Variants in COMMD10 observed in about 807,000 individuals in gnomAD.
COMMD10 encodes the protein COMM domain-containing protein 10.
A neutral mutation model predicts 28.9 loss-of-function variants in COMMD10; 33 were observed. The ratio of observed to expected loss-of-function variants is 1.14; its 90% CI spans 0.87 to 1.53. The LOEUF is 1.53. COMMD10 is among the 40% of genes most tolerant of loss of function. The probability of loss-of-function intolerance (pLI) is 0.00; values close to 1 mark genes in which losing one functional copy is unlikely to be tolerated. For missense variants in COMMD10, 310 were observed against 233.4 expected, an observed-to-expected ratio of 1.33 and a Z score of -2.14; for synonymous variants, 110 against 81.7, an observed-to-expected ratio of 1.35 and a Z score of -1.87.
At chr5:116,266,088 A>G (rs770037973) in intron 5 of COMMD10, among the ~76,000 whole-genome samples, 12 of 151,698 alleles carry the variant, frequency 7.9e-5, no homozygotes, top group Non-Finnish European at 5.9e-5. Flanking sequence ...GCTGACCCTT[A>G]AAAAAGCGGC....
chr5:116,201,245 C>A lies in COMMD10; in HGVS notation c.510+67067C>A, dbSNP rs183335432. On this transcript the variant is annotated intron_variant, in intron 5 of 6. Transcript: ENST00000274458. ...ACCTTGGTAAGAAGCACAGAGTGAT[C>A]CGGCATATTTTAAAAATGGCGTGTC... Among the ~76,000 whole-genome samples, 296 of 152,254 alleles carry A rather than the reference C, an allele frequency of 1.9e-3. 2 individuals carry two copies. The highest frequency in any genetic ancestry group is 6.8e-3 in the Middle Eastern group (2 of 294).
chr5:116,127,645 A>G (rs1751705680), intron 4 of COMMD10, among the ~76,000 whole-genome samples: 1 of 152,222 alleles, frequency 6.6e-6, no homozygotes, highest in African/African-American at 2.4e-5. Context: ...ATGAAGCTAG[A>G]AACCATCATT....
At chr5:116,228,089 C>A (rs1749441830) in intron 5 of COMMD10, among the ~76,000 whole-genome samples, 1 of 151,916 alleles carries the variant, frequency 6.6e-6, no homozygotes, top group South Asian at 2.1e-4. Flanking sequence ...AATGTGAATA[C>A]AGTTACTATG....
At chr5:116,122,864 A>G (rs1301704309) in intron 4 of COMMD10, among the ~76,000 whole-genome samples, 1 of 152,176 alleles carries the variant, frequency 6.6e-6, no homozygotes, top group Non-Finnish European at 1.5e-5. Context: ...TTATCAGCTT[A>G]AGGAGATTTT....
At chr5:116,209,926 A>G (rs922355812) in intron 5 of COMMD10, among the ~76,000 whole-genome samples, 1 of 152,140 alleles carries the variant, frequency 6.6e-6, no homozygotes, top group African/African-American at 2.4e-5. Context: ...TAAATTGTAA[A>G]GAATAGAGAT....
At chr5:116,098,949 A>G (rs1172868815) in intron 4 of COMMD10, among the ~76,000 whole-genome samples, 6 of 152,212 alleles carry the variant, frequency 3.9e-5, no homozygotes, top group Admixed American at 3.9e-4. Flanking sequence ...CCACACAGTT[A>G]CCACCTTTTA....
intron 5 of COMMD10, among the ~76,000 whole-genome samples, chr5:116,230,325 ATTC>A (rs1371929698): frequency 6.6e-6 from 1 of 152,024 alleles, no homozygotes; most frequent in Non-Finnish European, 1.5e-5. Flanking sequence ...ACCTTCTCCT[ATTC>A]TTTGCTCTTC....
intron 5 of COMMD10, among the ~76,000 whole-genome samples, chr5:116,228,725 A>G (rs1749457651): frequency 6.6e-6 from 1 of 151,934 alleles, no homozygotes; most frequent in African/African-American, 2.4e-5. Context: ...TTTCCTTTCA[A>G]GCTTATTAAA....
chr5:116,113,171 G>C (rs904429730), intron 4 of COMMD10, among the ~76,000 whole-genome samples: 1 of 152,098 alleles, frequency 6.6e-6, no homozygotes, highest in Non-Finnish European at 1.5e-5. Context: ...TAAGGTTTCT[G>C]CTGGGTAGTC....
At chr5:116,163,599 AAAAAT>A (rs769009834) in intron 5 of COMMD10, among the ~76,000 whole-genome samples, 3 of 152,202 alleles carry the variant, frequency 2.0e-5, no homozygotes, top group Non-Finnish European at 4.4e-5. Context: ...CCAAAAAAAT[AAAAAT>A]AAAATAAAAT....
chr5:116,164,838 G>A (rs144721130), intron 5 of COMMD10, among the ~76,000 whole-genome samples: 2 of 152,216 alleles, frequency 1.3e-5, no homozygotes, highest in African/African-American at 4.8e-5. Flanking sequence ...TTTATGTACT[G>A]CCACTTAATA....
At chr5:116,183,694 A>T (rs1748049619) in intron 5 of COMMD10, among the ~76,000 whole-genome samples, 2 of 152,124 alleles carry the variant, frequency 1.3e-5, no homozygotes, top group Non-Finnish European at 2.9e-5. Context: ...CAGAGTAACC[A>T]TTTAATAAAT....
chr5:116,091,070 G>C lies in COMMD10; in HGVS notation c.133-9G>C, dbSNP rs762755788. 3.9e-6 allele frequency: 6 copies of C among 1,552,002 alleles called. No homozygotes were observed. In the East Asian group the frequency reaches 1.4e-4, roughly 35 times the overall value. On this transcript the variant is annotated splice_polypyrimidine_tract_variant and intron_variant, in intron 2 of 6. Transcript: ENST00000274458. ...GTGCTAATATAATAGATTGCTATTT[G>C]TATTATAGGCTGAGAGCAGTTTCAG...
At chr5:116,272,361 A>G (rs1750783476) in intron 5 of COMMD10, among the ~76,000 whole-genome samples, 1 of 151,948 alleles carries the variant, frequency 6.6e-6, no homozygotes, top group South Asian at 2.1e-4. Flanking sequence ...CTGTGTGATT[A>G]GAGGAATGAG....
At chr5:116,236,812 G>A (rs573248384) in intron 5 of COMMD10, among the ~76,000 whole-genome samples, 55 of 152,188 alleles carry the variant, frequency 3.6e-4, no homozygotes, top group African/African-American at 1.3e-3. Context: ...AACTATGGAC[G>A]TTGGTTGATT....
chr5:116,115,319 G>T (rs927932422), intron 4 of COMMD10, among the ~76,000 whole-genome samples: 1 of 152,222 alleles, frequency 6.6e-6, no homozygotes, highest in East Asian at 1.9e-4. Context: ...CTTCTCCCAC[G>T]TTGCAGACTC....
intron 5 of COMMD10, among the ~76,000 whole-genome samples, chr5:116,140,714 A>G (rs1427738700): frequency 1.3e-5 from 2 of 151,684 alleles, no homozygotes; most frequent in African/African-American, 4.8e-5. Context: ...GGCCATTTTT[A>G]TGTCTTCTTT....
At chr5:116,218,152 C>A (rs1260290263) in intron 5 of COMMD10, 14 of 1,085,486 alleles carry the variant, frequency 1.3e-5, no homozygotes, top group African/African-American at 3.1e-5. Flanking sequence ...CCTTCTCTCC[C>A]TTCTTTGCAG....
chr5:116,208,697 AC>A (rs1748881049), intron 5 of COMMD10, among the ~76,000 whole-genome samples: 1 of 6,290 alleles, frequency 1.6e-4, no homozygotes, highest in Admixed American at 4.7e-3. Flanking sequence ...AGGTGACCAC[AC>A]GTTTTTTTCT....
Sources: gnomAD v4.1 joint callset for allele counts (sites outside exome capture counted in the v4.1 genomes callset) on GRCh38, gnomAD v4.1.1 for gene constraint, MANE v1.5 for transcripts, NCBI Gene and HGNC (gene_info 2026-07-23, HGNC 2026-07-21) for gene names.